Variants in C1orf21 observed in about 807,000 individuals in gnomAD.
C1orf21 encodes chromosome 1 open reading frame 21.
A neutral mutation model predicts 18.7 loss-of-function variants in C1orf21; 3 were observed. That is an observed-to-expected ratio of 0.16 (90% CI 0.07 to 0.42). The LOEUF (loss-of-function observed/expected upper bound fraction) is 0.42, where lower values mean the gene tolerates loss of function less well. Among genes scored for constraint, C1orf21 ranks in the 10% least tolerant of loss-of-function variants. The probability of loss-of-function intolerance (pLI) is 0.99; values close to 1 mark genes in which losing one functional copy is unlikely to be tolerated. For missense variants in C1orf21, 104 were observed against 143.6 expected (o/e 0.72, Z 1.41); for synonymous variants, 41 against 46.4 (o/e 0.88, Z 0.47).
intron 3 of C1orf21, among the ~76,000 whole-genome samples, chr1:184,548,156 T>G (rs1658753178): frequency 6.6e-6 from 1 of 151,738 alleles, no homozygotes; most frequent in Non-Finnish European, 1.5e-5. Context: ...AAGATACTGG[T>G]TAGGCAGGTA....
chr1:184,484,068 C>A (rs1369461579), intron 2 of C1orf21, among the ~76,000 whole-genome samples: 1 of 152,112 alleles, frequency 6.6e-6, no homozygotes, highest in East Asian at 1.9e-4. Context: ...GGATTACAGG[C>A]ACCCACCACC....
intron 3 of C1orf21, among the ~76,000 whole-genome samples, chr1:184,557,615 A>G (rs888739559): frequency 1.3e-5 from 2 of 152,160 alleles, no homozygotes; most frequent in Non-Finnish European, 2.9e-5. Context: ...ATTCCATGGT[A>G]TATACATACC....
intron 1 of C1orf21, among the ~76,000 whole-genome samples, chr1:184,388,256 G>A (rs754672630): frequency 6.6e-6 from 1 of 152,212 alleles, no homozygotes; most frequent in South Asian, 2.1e-4. Flanking sequence ...GCTCAGGCAT[G>A]TCGGTAAAAT....
chr1:184,486,876 G>A (rs976813183), intron 2 of C1orf21, among the ~76,000 whole-genome samples: 7 of 152,304 alleles, frequency 4.6e-5, no homozygotes, highest in African/African-American at 1.4e-4. Flanking sequence ...GCAGGGACAC[G>A]CTGGCAGGGC....
intron 1 of C1orf21, among the ~76,000 whole-genome samples, chr1:184,406,427 T>C (rs541164796): frequency 1.4e-4 from 21 of 152,234 alleles, no homozygotes; most frequent in African/African-American, 4.6e-4. Flanking sequence ...TAATGATAAG[T>C]GTTGTTTTTT....
chr1:184,498,750 TGTGAA>T (rs1277287265), intron 2 of C1orf21, among the ~76,000 whole-genome samples: 4 of 152,254 alleles, frequency 2.6e-5, no homozygotes, highest in Admixed American at 6.5e-5. Context: ...TGATGCATTT[TGTGAA>T]GTGCTGTAGT....
rs1656329395 is a variant in C1orf21, at chr1:184,410,648, T to TATA, written c.-125+23281_-125+23283dup. Among the ~76,000 whole-genome samples, 2 of 7,006 alleles carry TATA rather than the reference T, an allele frequency of 2.9e-4. 1 individual carries two copies. The highest frequency in any genetic ancestry group is 5.5e-3 in the African/African-American group (2 of 366). The allele number at this position is 7,006 out of a possible 152,430, so 4.6% of individuals were successfully genotyped here. A position where few individuals can be genotyped will look rare whatever the true frequency, so the allele number is the denominator to read the frequency against. ...ATATATATATATATATATATATATA[T>TATA]ATATATATATATATATTTTTTTTTT... is the stretch of plus-strand genomic sequence containing the variant. On this transcript the variant is annotated intron_variant, in intron 1 of 5. Coordinates refer to ENST00000235307, the MANE Select transcript of C1orf21 (RefSeq NM_030806.4).
chr1:184,429,651 C>G (rs1656703040), intron 1 of C1orf21, among the ~76,000 whole-genome samples: 1 of 152,014 alleles, frequency 6.6e-6, no homozygotes, highest in South Asian at 2.1e-4. Flanking sequence ...TTGAAATGTT[C>G]CAGCAGCTTA....
At chr1:184,616,187 T>C (rs1404230286) in intron 5 of C1orf21, among the ~76,000 whole-genome samples, 1 of 152,240 alleles carries the variant, frequency 6.6e-6, no homozygotes, top group Non-Finnish European at 1.5e-5. Context: ...CAATGTGTTT[T>C]GATTTCAAAG....
chr1:184,567,274 G>A (rs149350731), intron 3 of C1orf21: 21 of 460,514 alleles, frequency 4.6e-5, no homozygotes, highest in Non-Finnish European at 8.3e-5. Context: ...AGACTGTAAA[G>A]GAATTTTTCA....
chr1:184,438,116 C>T (rs1336599912), intron 1 of C1orf21, among the ~76,000 whole-genome samples: 1 of 152,042 alleles, frequency 6.6e-6, no homozygotes, highest in Non-Finnish European at 1.5e-5. Flanking sequence ...TACCAGGGTC[C>T]CCTGATTTAA....
chr1:184,426,520 G>A (rs1388549743), intron 1 of C1orf21, among the ~76,000 whole-genome samples: 2 of 152,118 alleles, frequency 1.3e-5, no homozygotes, highest in Admixed American at 6.5e-5. Flanking sequence ...TTGTCTTTCA[G>A]TTCTCTGAAT....
intron 3 of C1orf21, among the ~76,000 whole-genome samples, chr1:184,510,535 G>A (rs1289916031): frequency 6.6e-6 from 1 of 152,124 alleles, no homozygotes; most frequent in African/African-American, 2.4e-5. Flanking sequence ...ATTTACGATG[G>A]GCCTCAAAGT....
chr1:184,464,031 T>C (rs557086907), intron 1 of C1orf21, among the ~76,000 whole-genome samples: 135 of 152,260 alleles, frequency 8.9e-4, no homozygotes, highest in African/African-American at 2.9e-3. Context: ...AAGTACATAG[T>C]GGGATTAGTA....
At chr1:184,445,314 A>G (rs1657011109) in intron 1 of C1orf21, among the ~76,000 whole-genome samples, 1 of 150,946 alleles carries the variant, frequency 6.6e-6, no homozygotes, top group Admixed American at 6.7e-5. Flanking sequence ...ATAAAATGTT[A>G]TAATGTAAAA....
intron 4 of C1orf21, among the ~76,000 whole-genome samples, chr1:184,596,461 A>T (rs891737287): frequency 1.3e-5 from 2 of 152,172 alleles, no homozygotes; most frequent in Non-Finnish European, 2.9e-5. Flanking sequence ...AGTTTCCACA[A>T]TGAACGTCAA....
At chr1:184,576,414 C>T (rs1659190814) in intron 3 of C1orf21, among the ~76,000 whole-genome samples, 1 of 152,212 alleles carries the variant, frequency 6.6e-6, no homozygotes, top group Non-Finnish European at 1.5e-5. Flanking sequence ...CGTGAGCCAC[C>T]GCACCCGGCT....
At chr1:184,542,403 A>C (rs984601451) in intron 3 of C1orf21, 1 of 152,202 alleles carries the variant, frequency 6.6e-6, no homozygotes, top group African/African-American at 2.4e-5. Context: ...ATTCAAACCC[A>C]AGCAGGCTGG....
At chr1:184,410,290 A>AT (rs1049082079) in intron 1 of C1orf21, among the ~76,000 whole-genome samples, 67 of 152,028 alleles carry the variant, frequency 4.4e-4, no homozygotes, top group Admixed American at 1.2e-3. Context: ...ATAAAGGATG[A>AT]TTTTTCAGGT....
Sources: gnomAD v4.1 joint callset for allele counts (sites outside exome capture counted in the v4.1 genomes callset) on GRCh38, gnomAD v4.1.1 for gene constraint, MANE v1.5 for transcripts, NCBI Gene and HGNC (gene_info 2026-07-23, HGNC 2026-07-21) for gene names.